PCBP4: variants seen among roughly 807,000 people sequenced by gnomAD.
The protein encoded by PCBP4 is poly(rC)-binding protein 4.
PCBP4 carries 24 observed loss-of-function variants against 46.2 expected under a neutral mutation model. The ratio of observed to expected loss-of-function variants is 0.52; its 90% CI spans 0.38 to 0.73. The LOEUF is 0.73. Ranked by LOEUF, PCBP4 falls within the 30% of genes least tolerant of loss-of-function variation. The pLI, the probability that PCBP4 is intolerant of heterozygous loss-of-function variation, is 0.00. For missense variants in PCBP4, 407 were observed against 537.0 expected (o/e 0.76, Z 2.39); for synonymous variants, 203 against 224.4 (o/e 0.90, Z 0.85).
In PCBP4 at chr3:51,961,317, G is replaced by A; in HGVS notation, c.-64-13C>T. Reference sequence around the variant, plus strand: ...AACCTGGCCGGCTCTGGCAGGGGCAGCCAAAGAGGGGTTCGAGAGGAGCCC... The same window carrying A: ...AACCTGGCCGGCTCTGGCAGGGGCAACCAAAGAGGGGTTCGAGAGGAGCCC... On this transcript the variant is annotated splice_polypyrimidine_tract_variant and intron_variant, in intron 2 of 13. Coordinates refer to ENST00000461554, the MANE Select transcript of PCBP4 (RefSeq NM_001174100.2). 6.5e-7 allele frequency: 1 copy of A among 1,538,894 alleles called. No homozygotes were observed.
rs1366017685 is a variant in PCBP4 at position 51,960,843 on chromosome 3, C to T, written c.138+23G>A. The T allele has an allele frequency of 6.2e-7, 1 of 1,613,722 alleles. No homozygotes were observed. The highest frequency in any genetic ancestry group is 1.7e-5 in the Admixed American group (1 of 60,036). Reference sequence around the variant, plus strand: ...CCCTCCACATCAGGTGCCCTGGGCTCCTCCCCCAAACTCCATCCTCACCTG... The same window carrying T: ...CCCTCCACATCAGGTGCCCTGGGCTTCTCCCCCAAACTCCATCCTCACCTG... On this transcript the variant is annotated intron_variant, in intron 5 of 13. Coordinates refer to ENST00000461554, the MANE Select transcript of PCBP4 (RefSeq NM_001174100.2). This position sits in a 1 kb window ranked among gnomAD's most constrained non-coding sequence, Gnocchi z 5.0.
chr3:51,958,156 G>A lies in PCBP4; in HGVS notation c.1117C>T (p.Pro373Ser), dbSNP rs1236876583. 6.2e-7 allele frequency: 1 copy of A among 1,613,262 alleles called. No individual in the cohort carries two copies. The highest frequency in any genetic ancestry group is 1.1e-5 in the South Asian group (1 of 91,018). ...GCCGCCAAGCCCGGCGGCGGCCCTGGGGAAGCAGGTGGTAAAGCCAAGAAG... is the reference window on the plus strand; with the variant it reads ...GCCGCCAAGCCCGGCGGCGGCCCTGAGGAAGCAGGTGGTAAAGCCAAGAAG... ...MPFLALPPAS[P>S]GPPPGLAAYT... The change falls in exon 14 of 14, where the codon CCA (proline) becomes TCA (serine). Residue 373 changes from proline (P) to serine (S), a missense_variant. Physicochemically the swap from Pro to Ser is moderately conservative, Grantham distance 74. Transcript: ENST00000461554. This position sits in a 1 kb window ranked among gnomAD's most constrained non-coding sequence, Gnocchi z 5.4.
In PCBP4 at chr3:51,958,209, G is replaced by C. The variant is rs564107129; in HGVS notation, c.1064C>G (p.Ser355Cys). 9 of 1,613,138 alleles carry C rather than the reference G, an allele frequency of 5.6e-6. No individual in the cohort carries two copies. The highest frequency in any genetic ancestry group is 6.8e-6 in the Non-Finnish European group (8 of 1,179,592). The change falls in exon 14 of 14, where the codon TCC (serine) becomes TGC (cysteine). Residue 355 changes from serine to cysteine, a missense_variant. Physicochemically the swap from Ser to Cys is moderately radical, Grantham distance 112. Coordinates refer to ENST00000461554, the MANE Select transcript of PCBP4 (RefSeq NM_001174100.2). This position sits in a 1 kb window ranked among gnomAD's most constrained non-coding sequence, Gnocchi z 5.4. The part of the protein sequence containing the change: ...LLGTPYAISL[S>C]NFIGLKPMPF... Reference sequence around the variant, plus strand: ...CATGGGCTTGAGGCCGATGAAGTTGGAGAGGGAGATGGCATAGGGTGTGCC... The same window carrying C: ...CATGGGCTTGAGGCCGATGAAGTTGCAGAGGGAGATGGCATAGGGTGTGCC...
chr3:51,966,229 T>C (rs1004727810), intron 1 of PCBP4, among the ~76,000 whole-genome samples: 2 of 152,082 alleles, frequency 1.3e-5, no homozygotes, highest in African/African-American at 4.8e-5. Context: ...CCTCGTGGCC[T>C]GGGCCTGCCA....
Position 51,960,340 on chromosome 3 carries a change from G to C in PCBP4, c.256-20C>G. 6.2e-7 allele frequency: 1 copy of C among 1,610,146 alleles called. No individual in the cohort carries two copies. Among genetic ancestry groups the C allele is most frequent in the Non-Finnish European group, 8.5e-7 (1 of 1,177,654 alleles). ...AAGGTCCTGGGACAGGGAGACGGTGGGTTGGCCATGCTCGTCCCTGCTATA... is the reference window on the plus strand; with the variant it reads ...AAGGTCCTGGGACAGGGAGACGGTGCGTTGGCCATGCTCGTCCCTGCTATA... On this transcript the variant is annotated intron_variant, in intron 6 of 13. Transcript: ENST00000461554. The surrounding 1 kb of genome is among the most constrained non-coding windows in gnomAD (Gnocchi z 5.0).
chr3:51,957,926 G>A lies in PCBP4; in HGVS notation c.*135C>T. 5.1e-6 allele frequency: 4 copies of A among 785,226 alleles called. No individual in the cohort carries two copies. In the South Asian group the frequency reaches 7.7e-5, roughly 15 times the overall value. The allele number at this position is 785,226 out of a possible 1,614,324, so 48.6% of individuals were successfully genotyped here. On this transcript the variant is annotated 3_prime_UTR_variant, in exon 14 of 14. Coordinates refer to ENST00000461554, the MANE Select transcript of PCBP4 (RefSeq NM_001174100.2). ...AAAGAACTCCCATAGATGGAGGCAG[G>A]GTAGGGGGTGCATCCATGCGTCTGG...
intron 1 of PCBP4, among the ~76,000 whole-genome samples, chr3:51,965,549 C>T (rs764029201): frequency 1.3e-5 from 2 of 152,202 alleles, no homozygotes; most frequent in Non-Finnish European, 2.9e-5. Flanking sequence ...GCCTGTCTTT[C>T]CACTATACAC....
chr3:51,965,953 T>G lies in PCBP4; in HGVS notation c.-213+1373A>C, dbSNP rs534627711. 2.8e-4 allele frequency among the ~76,000 whole-genome samples: 43 copies of G among 151,812 alleles called. 1 individual carries two copies. The South Asian group carries it at 8.6e-3, about 30-fold the overall frequency. The stretch of plus-strand genomic sequence containing the variant: ...GTGGGGTACGTTTCACAGAGTCGAG[T>G]TGGGCTCAGCCTGTCACAGCTGGAA... On this transcript the variant is annotated intron_variant, in intron 1 of 13. Transcript: ENST00000461554.
chr3:51,959,227 A>G lies in PCBP4; in HGVS notation c.700+2T>C. Reference sequence around the variant, plus strand: ...CTGCCTCCTTGTGCAGGGGTGGCTTACCTGGCACCACGCTGGGTGTGGCAA... The same window carrying G: ...CTGCCTCCTTGTGCAGGGGTGGCTTGCCTGGCACCACGCTGGGTGTGGCAA... On this transcript the variant is annotated splice_donor_variant, in intron 11 of 13. Transcript: ENST00000461554. LOFTEE classifies it high-confidence loss of function. This position sits in a 1 kb window ranked among gnomAD's most constrained non-coding sequence, Gnocchi z 5.6. 1 of 1,613,830 alleles carries G rather than the reference A, an allele frequency of 6.2e-7. No individual in the cohort carries two copies. Among genetic ancestry groups the G allele is most frequent in the South Asian group, 1.1e-5 (1 of 91,072 alleles).
Position 51,960,083 on chromosome 3 carries a change from C to G in PCBP4, c.388-60G>C, listed in dbSNP as rs542240613. 1.8e-4 allele frequency: 287 copies of G among 1,614,172 alleles called. 5 individuals are homozygous for G. In the South Asian group the frequency reaches 3.0e-3, roughly 17 times the overall value. On this transcript the variant is annotated intron_variant, in intron 7 of 13. Coordinates refer to ENST00000461554, the MANE Select transcript of PCBP4 (RefSeq NM_001174100.2). This position sits in a 1 kb window ranked among gnomAD's most constrained non-coding sequence, Gnocchi z 5.0. ...TCCCATAACCCAGAAAAGGGCTGCCCAGGCTCAGAGCTCTCTAGGTGGGGA... is the reference window on the plus strand; with the variant it reads ...TCCCATAACCCAGAAAAGGGCTGCCGAGGCTCAGAGCTCTCTAGGTGGGGA...
rs1700067169 is a variant in PCBP4, at chr3:51,959,995, C to G, written c.416G>C (p.Gly139Ala). The G allele has an allele frequency of 2.5e-6, 4 of 1,614,104 alleles. No individual in the cohort carries two copies. In the South Asian group the frequency reaches 3.3e-5, roughly 13 times the overall value. Residue 139 changes from glycine (G) to alanine (A), a missense_variant, in exon 8 of 14, where the codon GGG becomes GCG. By Grantham distance (60) the Gly-to-Ala change is moderately conservative. Transcript: ENST00000461554. This position sits in a 1 kb window ranked among gnomAD's most constrained non-coding sequence, Gnocchi z 5.6. ...CTCTGTGGAGTTGGGGAGCAGGTCC[C>G]CTGCCACCTGTACCTGGGCACCCGT... Reference protein sequence around the residue: ...ETTGAQVQVAGDLLPNSTERA... With the variant: ...ETTGAQVQVAADLLPNSTERA...
chr3:51,965,691 G>T (rs964647435), intron 1 of PCBP4, among the ~76,000 whole-genome samples: 7 of 152,208 alleles, frequency 4.6e-5, no homozygotes. Flanking sequence ...AATGAGAGTA[G>T]AGTGAGAAGA....
chr3:51,962,906 G>C (rs1286688683), intron 1 of PCBP4: 2 of 152,286 alleles, frequency 1.3e-5, no homozygotes, highest in African/African-American at 2.4e-5. Context: ...GAGATGAGCA[G>C]TGGATGCAGG....
intron 1 of PCBP4, among the ~76,000 whole-genome samples, chr3:51,964,222 C>T (rs991892220): frequency 7.2e-5 from 11 of 152,168 alleles, no homozygotes; most frequent in African/African-American, 1.2e-4. Flanking sequence ...GCTGTGTAAG[C>T]GATGGTGGCT....
In PCBP4 at chr3:51,957,965, T is replaced by G. The variant is rs2106717099; in HGVS notation, c.*96A>C. 4 of 1,209,988 alleles carry G rather than the reference T, an allele frequency of 3.3e-6. No individual in the cohort carries two copies. The highest frequency in any genetic ancestry group is 3.4e-6 in the Non-Finnish European group (3 of 871,730). The allele number at this position is 1,209,988 out of a possible 1,614,324, so 75.0% of individuals were successfully genotyped here. On this transcript the variant is annotated 3_prime_UTR_variant, in exon 14 of 14. Coordinates refer to ENST00000461554, the MANE Select transcript of PCBP4 (RefSeq NM_001174100.2). Reference sequence around the variant, plus strand: ...CCATGCGTCTGGGCGTTAGCGGCGTTTGGGACCCCAGGGTGGAGTCTCCTT... The same window carrying G: ...CCATGCGTCTGGGCGTTAGCGGCGTGTGGGACCCCAGGGTGGAGTCTCCTT...
intron 1 of PCBP4, among the ~76,000 whole-genome samples, chr3:51,965,317 GGC>G (rs1700369892): frequency 1.3e-5 from 2 of 152,324 alleles, no homozygotes; most frequent in African/African-American, 4.8e-5. Context: ...ACACATGCCA[GGC>G]TGCAGAACAC....
rs2106736458 is a variant in PCBP4 at position 51,959,946 on chromosome 3, C to T, written c.465G>A (p.Val155=). Reference sequence around the variant, plus strand: ...GCACACACAGGATGATGGCATCAGGCACCCCAGATACCGTAACAGCTCGCT... The same window carrying T: ...GCACACACAGGATGATGGCATCAGGTACCCCAGATACCGTAACAGCTCGCT... ...STERAVTVSG[V]PDAIILCVRQ... is the part of the protein sequence containing the mutation. The change falls in exon 8 of 14, where the codon GTG becomes GTA. Residue 155 remains valine, a synonymous_variant. Transcript: ENST00000461554. The surrounding 1 kb of genome is among the most constrained non-coding windows in gnomAD (Gnocchi z 5.6). 3 of 1,610,608 alleles carry T rather than the reference C, an allele frequency of 1.9e-6. No homozygotes were observed. Among genetic ancestry groups the T allele is most frequent in the Middle Eastern group, 1.7e-4 (1 of 6,054 alleles).
Position 51,960,004 on chromosome 3 carries a change from T to G in PCBP4, c.407A>C (p.Gln136Pro). ...GTTGGGGAGCAGGTCCCCTGCCACC[T>G]GTACCTGGGCACCCGTAGTCTGCAA... ...EIRETTGAQV[Q>P]VAGDLLPNST... is the part of the protein sequence containing the mutation. Residue 136 changes from glutamine to proline, a missense_variant, in exon 8 of 14, where the codon CAG becomes CCG. Physicochemically the swap from Gln to Pro is moderately conservative, Grantham distance 76. Coordinates refer to ENST00000461554, the MANE Select transcript of PCBP4 (RefSeq NM_001174100.2). This position sits in a 1 kb window ranked among gnomAD's most constrained non-coding sequence, Gnocchi z 5.0. 1 of 1,614,224 alleles carries G rather than the reference T, an allele frequency of 6.2e-7. No individual in the cohort carries two copies. The highest frequency in any genetic ancestry group is 8.5e-7 in the Non-Finnish European group (1 of 1,180,034).
rs1699884022 is a variant in PCBP4, at chr3:51,957,615, G to A, written c.*446C>T. On this transcript the variant is annotated 3_prime_UTR_variant, in exon 14 of 14. Coordinates refer to ENST00000461554, the MANE Select transcript of PCBP4 (RefSeq NM_001174100.2). ...TGACAAGCCCAGCCAGTTCATTCCA[G>A]TCAAAAGGGTATCAGTGGAAGCAGC... 1 of 155,138 alleles carries A rather than the reference G, an allele frequency of 6.4e-6. No homozygotes were observed. The highest frequency in any genetic ancestry group is 2.0e-4 in the South Asian group (1 of 4,890). 9.6% of individuals were successfully genotyped at this position (155,138 alleles called of 1,614,324 possible).
Sources: gnomAD v4.1 joint callset for allele counts (sites outside exome capture counted in the v4.1 genomes callset) on GRCh38, gnomAD v4.1.1 for gene constraint, Gnocchi (gnomAD v3.1) non-coding constraint, MANE v1.5 for transcripts, NCBI Gene and HGNC (gene_info 2026-07-23, HGNC 2026-07-21) for gene names.